The following EGF variants were observed in gnomAD, a reference collection of about 807,000 sequenced individuals.
EGF encodes the protein pro-epidermal growth factor.
EGF carries 95 observed loss-of-function variants against 143.8 expected under a neutral mutation model. The observed-to-expected ratio is 0.66, with a 90% CI of 0.56 to 0.78. The LOEUF (loss-of-function observed/expected upper bound fraction) is 0.78, where lower values mean the gene tolerates loss of function less well. Among genes scored for constraint, EGF ranks in the 30% least tolerant of loss-of-function variants. EGF has a pLI of 0.00. For synonymous variants in EGF, 510 were observed against 510.5 expected, an observed-to-expected ratio of 1.00 and a Z score of 0.01; for missense variants, 1,320 against 1,470.9, an observed-to-expected ratio of 0.90 and a Z score of 1.68.
chr4:109,933,597 G>A (rs1047073376), intron 1 of EGF, among the ~76,000 whole-genome samples: 30 of 150,190 alleles, frequency 2.0e-4, no homozygotes, highest in African/African-American at 6.6e-4. Flanking sequence ...AACAGGCCCC[G>A]GTGTGTGATG....
At chr4:109,988,997 A>G (rs1378690688) in intron 18 of EGF, among the ~76,000 whole-genome samples, 6 of 152,148 alleles carry the variant, frequency 3.9e-5, no homozygotes, top group African/African-American at 7.2e-5. Flanking sequence ...CCAGTGTCTC[A>G]TCAATACTTC....
intron 15 of EGF, 60 bp downstream of exon 15, chr4:109,981,035 T>C (rs1301131173): frequency 6.3e-7 from 1 of 1,599,618 alleles, no homozygotes; most frequent in African/African-American, 1.3e-5. Context: ...CAGCTGTACA[T>C]CAATCTTTAT....
intron 15 of EGF, 70 bp downstream of exon 15, chr4:109,981,045 T>C: frequency 5.7e-6 from 9 of 1,592,602 alleles, no homozygotes; most frequent in Non-Finnish European, 7.8e-6. Context: ...TCAATCTTTA[T>C]GCTTTTGCTG....
chr4:109,953,494 G>T (rs998885614), intron 5 of EGF, among the ~76,000 whole-genome samples: 1 of 152,152 alleles, frequency 6.6e-6, no homozygotes, highest in East Asian at 1.9e-4. Context: ...TTCAGTGTTC[G>T]ATCCTATTTC....
chr4:110,009,229 T>C (rs567799371), intron 23 of EGF, among the ~76,000 whole-genome samples: 1 of 152,330 alleles, frequency 6.6e-6, no homozygotes, highest in African/African-American at 2.4e-5. Context: ...ACTTAAAAAT[T>C]GAATATGAAA....
At chr4:109,927,985 G>T (rs1004481915) in intron 1 of EGF, among the ~76,000 whole-genome samples, 1 of 151,978 alleles carries the variant, frequency 6.6e-6, no homozygotes, top group Non-Finnish European at 1.5e-5. Context: ...TAAGGTGAAG[G>T]ATTACCTATA....
Position 110,011,148 on chromosome 4 carries a change from G to A in EGF, c.3371-54G>A, listed in dbSNP as rs1008452396. The A allele has an allele frequency of 1.9e-6, 3 of 1,600,678 alleles. No individual in the cohort carries two copies. The African/African-American group carries it at 4.0e-5, about 21-fold the overall frequency. ...ACCACTACCGTTTAGGGTCTGTCTT[G>A]CCTATCTATTGTTAATGATATGAAT... On this transcript the variant is annotated intron_variant, in intron 23 of 23. Coordinates refer to ENST00000265171, the MANE Select transcript of EGF (RefSeq NM_001963.6).
intron 1 of EGF, among the ~76,000 whole-genome samples, chr4:109,928,790 T>C (rs1476169731): frequency 6.6e-6 from 1 of 152,206 alleles, no homozygotes; most frequent in African/African-American, 2.4e-5. Flanking sequence ...AAGATCTTTC[T>C]TTTAATGTTA....
chr4:109,949,569 A>G (rs1276920757), intron 5 of EGF, among the ~76,000 whole-genome samples: 1 of 151,568 alleles, frequency 6.6e-6, no homozygotes, highest in African/African-American at 2.4e-5. Context: ...TTTATTTCCT[A>G]TGCAGCAGCC....
At chr4:109,953,971 C>A (rs1409579047) in intron 5 of EGF, among the ~76,000 whole-genome samples, 4 of 152,182 alleles carry the variant, frequency 2.6e-5, no homozygotes, top group Non-Finnish European at 2.9e-5. Flanking sequence ...TATGGGCAAC[C>A]AAACTGCCAG....
At chr4:109,937,339 G>A (rs1741010596) in intron 1 of EGF, among the ~76,000 whole-genome samples, 1 of 146,962 alleles carries the variant, frequency 6.8e-6, no homozygotes, top group Non-Finnish European at 1.5e-5. Context: ...GTTTATCAAA[G>A]ACCAGGATTG....
intron 1 of EGF, among the ~76,000 whole-genome samples, chr4:109,931,429 A>G (rs919436339): frequency 1.3e-4 from 20 of 152,230 alleles, no homozygotes; most frequent in African/African-American, 4.6e-4. Flanking sequence ...GAAAATGAAG[A>G]TTGTAATATC....
intron 19 of EGF, 128 bp downstream of exon 19, chr4:109,993,497 CT>C: frequency 7.6e-7 from 1 of 1,308,266 alleles, no homozygotes; most frequent in Admixed American, 2.1e-5. Context: ...GCTGGCTTTC[CT>C]GATTAGGACG....
chr4:109,986,356 A>G (rs1228435106), intron 16 of EGF, among the ~76,000 whole-genome samples: 1 of 152,248 alleles, frequency 6.6e-6, no homozygotes, highest in African/African-American at 2.4e-5. Context: ...CTAGTCTTCC[A>G]AATAAATGCT....
chr4:109,945,372 T>C, intron 5 of EGF, 97 bp downstream of exon 5: 1 of 1,222,472 alleles, frequency 8.2e-7, no homozygotes. Context: ...GAAAAAAAAT[T>C]TTTTTCTTCA....
chr4:109,913,901 A>G (rs997459637), intron 1 of EGF, among the ~76,000 whole-genome samples: 2 of 152,250 alleles, frequency 1.3e-5, no homozygotes, highest in Non-Finnish European at 2.9e-5. Flanking sequence ...TCTAAAAATT[A>G]GTGAAAAATG....
rs186720222 is a variant in EGF, at chr4:109,973,488, A to G, written c.1725-1215A>G. 5.3e-5 allele frequency among the ~76,000 whole-genome samples: 8 copies of G among 151,686 alleles called. No homozygotes were observed. The East Asian group carries it at 1.5e-3, about 29-fold the overall frequency. Reference sequence around the variant, plus strand: ...TGATCCCTGCTTGGCTGGGCTACCCACTCTGTCACCCTCCCTGAGTCTTCC... The same window carrying G: ...TGATCCCTGCTTGGCTGGGCTACCCGCTCTGTCACCCTCCCTGAGTCTTCC... On this transcript the variant is annotated intron_variant, in intron 11 of 23. Coordinates refer to ENST00000265171, the MANE Select transcript of EGF (RefSeq NM_001963.6).
At chr4:109,972,803 A>C (rs1747866882) in intron 11 of EGF, among the ~76,000 whole-genome samples, 1 of 152,164 alleles carries the variant, frequency 6.6e-6, no homozygotes, top group African/African-American at 2.4e-5. Flanking sequence ...GGCCCTGTGC[A>C]TAGAGCACTG....
intron 1 of EGF, among the ~76,000 whole-genome samples, chr4:109,918,765 G>T (rs554125144): frequency 3.6e-4 from 55 of 152,292 alleles, no homozygotes; most frequent in Middle Eastern, 3.4e-3. Flanking sequence ...GCTGTTGGGA[G>T]GGTTGGGGCA....
Sources: gnomAD v4.1 joint callset for allele counts (sites outside exome capture counted in the v4.1 genomes callset) on GRCh38, gnomAD v4.1.1 for gene constraint, MANE v1.5 for transcripts, NCBI Gene and HGNC (gene_info 2026-07-23, HGNC 2026-07-21) for gene names.